The following VRK2 variants were observed in gnomAD, a reference collection of about 807,000 sequenced individuals.
VRK2 encodes VRK serine/threonine kinase 2, also known as serine/threonine-protein kinase VRK2.
A neutral mutation model predicts 57.6 loss-of-function variants in VRK2; 60 were observed. The observed-to-expected ratio is 1.04, with a 90% CI of 0.85 to 1.29. The LOEUF (loss-of-function observed/expected upper bound fraction) is 1.29, where lower values mean the gene tolerates loss of function less well. Ranked by LOEUF, VRK2 falls within the 50% of genes most tolerant of loss-of-function variation. The probability of loss-of-function intolerance (pLI) is 0.00; values close to 1 mark genes in which losing one functional copy is unlikely to be tolerated. For synonymous variants in VRK2, 231 were observed against 199.2 expected (o/e 1.16, Z -1.35); for missense variants, 705 against 588.1 (o/e 1.20, Z -2.06).
rs771049173 is a variant in VRK2, at chr2:58,089,615, CTA to C, written c.451-14_451-13del. On this transcript the variant is annotated splice_polypyrimidine_tract_variant and intron_variant, in intron 6 of 12. Coordinates refer to ENST00000340157, the MANE Select transcript of VRK2 (RefSeq NM_006296.7). The stretch of plus-strand genomic sequence containing the variant: ...TAAATAGCAGTAAACCTTATTTTAT[CTA>C]TTTATTTTCACAGTTGGATGTACTG... 1.3e-6 allele frequency: 2 copies of C among 1,502,628 alleles called. No individual in the cohort carries two copies. Among genetic ancestry groups the C allele is most frequent in the African/African-American group, 2.8e-5 (2 of 72,448 alleles). The allele number at this position is 1,502,628 out of a possible 1,614,324, so 93.1% of individuals were successfully genotyped here. A position where few individuals can be genotyped will look rare whatever the true frequency, so the allele number is the denominator to read the frequency against.
chr2:58,096,750 CTT>C (rs1404178630), intron 7 of VRK2, among the ~76,000 whole-genome samples: 1 of 151,530 alleles, frequency 6.6e-6, no homozygotes, highest in Non-Finnish European at 1.5e-5. Context: ...CATATATACT[CTT>C]TTAGTTTTAC....
chr2:58,064,496 T>A (rs1358542736), intron 2 of VRK2, among the ~76,000 whole-genome samples: 2 of 152,178 alleles, frequency 1.3e-5, no homozygotes, highest in Non-Finnish European at 2.9e-5. Flanking sequence ...AATTAAGGCA[T>A]GTACGTTGTT....
At chr2:57,933,192 G>A (rs1394498245) in intron 1 of VRK2, among the ~76,000 whole-genome samples, 2 of 151,520 alleles carry the variant, frequency 1.3e-5, no homozygotes, top group Non-Finnish European at 2.9e-5. Context: ...GGTCTAAAGG[G>A]TAGTTCAAGT....
At chr2:58,066,767 A>G (rs1395300541) in intron 2 of VRK2, among the ~76,000 whole-genome samples, 1 of 152,178 alleles carries the variant, frequency 6.6e-6, no homozygotes, top group Non-Finnish European at 1.5e-5. Context: ...GTGGTTATTT[A>G]GGACTAATCT....
chr2:57,979,733 G>A (rs541524362), intron 1 of VRK2, among the ~76,000 whole-genome samples: 66 of 152,156 alleles, frequency 4.3e-4, no homozygotes, highest in African/African-American at 1.5e-3. Context: ...TTATTGGTCT[G>A]TTCAGGATTT....
At chr2:57,908,530 C>T (rs1669895949) in intron 1 of VRK2, among the ~76,000 whole-genome samples, 1 of 151,634 alleles carries the variant, frequency 6.6e-6, no homozygotes, top group South Asian at 2.1e-4. Flanking sequence ...AAAAAAAAAA[C>T]TTGAGCTCCA....
At chr2:57,979,876 G>C (rs1029916805) in intron 1 of VRK2, among the ~76,000 whole-genome samples, 2 of 152,062 alleles carry the variant, frequency 1.3e-5, no homozygotes, top group African/African-American at 4.8e-5. Context: ...TGTAGGATTT[G>C]TGGTAATGCT....
intron 2 of VRK2, among the ~76,000 whole-genome samples, chr2:58,070,900 A>G (rs2103986312): frequency 6.6e-6 from 1 of 152,286 alleles, no homozygotes; most frequent in East Asian, 1.9e-4. Context: ...TGTCTTTCAA[A>G]GTGGCTGTAC....
intron 7 of VRK2, among the ~76,000 whole-genome samples, chr2:58,095,972 G>A (rs984110451): frequency 3.3e-5 from 5 of 151,976 alleles, no homozygotes; most frequent in African/African-American, 7.2e-5. Flanking sequence ...ATCTGTCAGC[G>A]CTTATGTTCT....
At chr2:58,096,148 G>C (rs1011387110) in intron 7 of VRK2, among the ~76,000 whole-genome samples, 1 of 151,934 alleles carries the variant, frequency 6.6e-6, no homozygotes, top group African/African-American at 2.4e-5. Context: ...GATGTGTTAT[G>C]GCATAATATT....
At chr2:58,006,344 A>G (rs1164672277) in intron 1 of VRK2, among the ~76,000 whole-genome samples, 1 of 152,214 alleles carries the variant, frequency 6.6e-6, no homozygotes, top group Non-Finnish European at 1.5e-5. Context: ...GGTGGCCCAC[A>G]GTGAGTAAAT....
intron 2 of VRK2, among the ~76,000 whole-genome samples, chr2:58,073,235 G>T (rs1315437766): frequency 2.0e-5 from 3 of 151,906 alleles, no homozygotes; most frequent in Admixed American, 1.3e-4. Context: ...AATGTTTTCT[G>T]TCTTAGTGAA....
At chr2:57,926,500 ATAGT>A (rs1320962301) in intron 1 of VRK2, among the ~76,000 whole-genome samples, 2 of 149,890 alleles carry the variant, frequency 1.3e-5, no homozygotes, top group Non-Finnish European at 3.0e-5. Context: ...ATATATATAT[ATAGT>A]GTGTGTATAT....
At chr2:57,923,806 A>C (rs2459982) in intron 1 of VRK2, among the ~76,000 whole-genome samples, 99,327 of 151,814 alleles carry the variant, frequency 0.65, 32,915 homozygotes, top group African/African-American at 0.78. Flanking sequence ...TTTGCCCATT[A>C]CAATGTCTAG....
intron 1 of VRK2, among the ~76,000 whole-genome samples, chr2:57,917,122 T>C (rs1402869219): frequency 6.6e-6 from 1 of 152,190 alleles, no homozygotes; most frequent in Non-Finnish European, 1.5e-5. Flanking sequence ...AAGTCATTTA[T>C]GCCTTAATGT....
chr2:58,159,883 A>G (rs1015086103), downstream of VRK2: 2 of 1,589,612 alleles, frequency 1.3e-6, no homozygotes, highest in Admixed American at 1.8e-5. Flanking sequence ...AGTGTCATAG[A>G]ATAGTGTCAT....
intron 1 of VRK2, among the ~76,000 whole-genome samples, chr2:57,958,056 G>A (rs937897936): frequency 6.6e-6 from 1 of 152,132 alleles, no homozygotes; most frequent in Non-Finnish European, 1.5e-5. Context: ...GACACAGGAG[G>A]ATCTCAGGCA....
chr2:58,035,875 AT>A (rs1003767937), intron 3 of VRK2, among the ~76,000 whole-genome samples: 2 of 152,020 alleles, frequency 1.3e-5, no homozygotes, highest in African/African-American at 4.8e-5. Flanking sequence ...ATAAAATGAG[AT>A]TACTATGTAA....
intron 1 of VRK2, among the ~76,000 whole-genome samples, chr2:57,998,880 G>C (rs905713734): frequency 6.6e-6 from 1 of 152,142 alleles, no homozygotes; most frequent in Non-Finnish European, 1.5e-5. Context: ...TCTGATATTG[G>C]ACTAATTCAT....
Sources: allele counts gnomAD v4.1 joint callset (sites outside exome capture counted in the v4.1 genomes callset), GRCh38; gene constraint gnomAD v4.1.1; transcripts MANE v1.5; gene names NCBI Gene and HGNC (gene_info 2026-07-23, HGNC 2026-07-21).